The following TMEM9 variants were observed in gnomAD, a reference collection of about 807,000 sequenced individuals.
The protein encoded by TMEM9 is proton-transporting V-type ATPase complex assembly regulator TMEM9.
In TMEM9, 13 loss-of-function variants were observed where a neutral mutation model predicts 22.8. That is an observed-to-expected ratio of 0.57 (90% CI 0.37 to 0.91). The LOEUF (loss-of-function observed/expected upper bound fraction) is 0.91, where lower values mean the gene tolerates loss of function less well. Among genes scored for constraint, TMEM9 ranks in the 40% least tolerant of loss-of-function variants. The pLI is 0.01. For missense variants in TMEM9, 182 were observed against 238.1 expected (o/e 0.76, Z 1.55); for synonymous variants, 88 against 93.0 (o/e 0.95, Z 0.31).
upstream of TMEM9, among the ~76,000 whole-genome samples, chr1:201,158,742 G>A (rs543867674): frequency 6.4e-4 from 97 of 152,256 alleles, no homozygotes; most frequent in African/African-American, 2.2e-3. Context: ...TCAGGACTTA[G>A]CCTTCATCCT....
chr1:201,160,393 C>G (rs1468156282), intron 1 of TMEM9, among the ~76,000 whole-genome samples: 1 of 149,736 alleles, frequency 6.7e-6, no homozygotes, highest in Non-Finnish European at 1.5e-5. Flanking sequence ...AGTTCAAGAC[C>G]AGCCTGACCA....
At chr1:201,169,364 AAG>A (rs144932638) in intron 1 of TMEM9, among the ~76,000 whole-genome samples, 6,454 of 152,298 alleles carry the variant, frequency 0.042, 466 homozygotes, top group African/African-American at 0.15. Context: ...AGAGGAACTT[AAG>A]ACCTAAGAAC....
At chr1:201,166,521 C>T (rs550553635) in intron 1 of TMEM9, among the ~76,000 whole-genome samples, 1 of 152,122 alleles carries the variant, frequency 6.6e-6, no homozygotes. Flanking sequence ...TGCCACCATG[C>T]CCGGCTAATT....
At chr1:201,164,721 G>C (rs1017771027) in intron 1 of TMEM9, among the ~76,000 whole-genome samples, 2 of 152,116 alleles carry the variant, frequency 1.3e-5, no homozygotes, top group African/African-American at 4.8e-5. Flanking sequence ...CTCTGGGAAC[G>C]TGCTTTATTC....
chr1:201,163,923 T>A (rs1416120322), intron 1 of TMEM9, among the ~76,000 whole-genome samples: 1 of 152,216 alleles, frequency 6.6e-6, no homozygotes, highest in East Asian at 1.9e-4. Flanking sequence ...TAAAAACGTG[T>A]GCATGAATGC....
chr1:201,162,541 A>G (rs931453634), intron 1 of TMEM9, among the ~76,000 whole-genome samples: 20 of 152,082 alleles, frequency 1.3e-4, no homozygotes, highest in African/African-American at 4.8e-4. Context: ...TAGGGAAAAA[A>G]AAAAAAAAAC....
At chr1:201,169,092 G>C (rs1323388473) in intron 1 of TMEM9, among the ~76,000 whole-genome samples, 2 of 151,916 alleles carry the variant, frequency 1.3e-5, no homozygotes, top group African/African-American at 4.8e-5. Flanking sequence ...ACTTAGATGA[G>C]GAGAGAGCAC....
chr1:201,138,192 T>C (rs112363644), intron 4 of TMEM9, among the ~76,000 whole-genome samples: 16 of 152,336 alleles, frequency 1.1e-4, no homozygotes, highest in African/African-American at 3.8e-4. Context: ...TCCACTGCTC[T>C]GTATCTCAGG....
At chr1:201,147,261 T>C (rs183894021) in intron 2 of TMEM9, among the ~76,000 whole-genome samples, 1 of 152,282 alleles carries the variant, frequency 6.6e-6, no homozygotes, top group Non-Finnish European at 1.5e-5. Context: ...CAGGAGTCAC[T>C]ATGTGCATGT....
chr1:201,158,261 C>T (rs1342961870), upstream of TMEM9, among the ~76,000 whole-genome samples: 1 of 152,280 alleles, frequency 6.6e-6, no homozygotes. Context: ...AGAACACCTC[C>T]GTCAGACTTA....
upstream of TMEM9, among the ~76,000 whole-genome samples, chr1:201,156,753 T>C (rs1336692123): frequency 6.6e-6 from 1 of 152,224 alleles, no homozygotes; most frequent in African/African-American, 2.4e-5. Flanking sequence ...GCCAGTGAAG[T>C]GAGTCTGAAC....
At chr1:201,165,384 A>T (rs1004853675) in intron 1 of TMEM9, among the ~76,000 whole-genome samples, 1 of 151,208 alleles carries the variant, frequency 6.6e-6, no homozygotes, top group Non-Finnish European at 1.5e-5. Context: ...AAATGCAGAT[A>T]ATGTTTTATG....
intron 2 of TMEM9, among the ~76,000 whole-genome samples, chr1:201,148,714 G>C (rs1284483357): frequency 6.6e-6 from 1 of 152,224 alleles, no homozygotes; most frequent in African/African-American, 2.4e-5. Flanking sequence ...TTAAGAATGG[G>C]ATGTGCTCTA....
intron 3 of TMEM9, among the ~76,000 whole-genome samples, chr1:201,146,178 G>A (rs563602127): frequency 3.3e-5 from 5 of 152,286 alleles, no homozygotes; most frequent in African/African-American, 1.2e-4. Flanking sequence ...CTATGGTGGT[G>A]ACTGTGTCTA....
rs1337147274 is a variant in TMEM9, at chr1:201,151,749, G to A, written c.158+12C>T. ...GGGTATAGCAGCCAGGGGCCTGCGT[G>A]TAATGCCTTACCAGTCCTTCTGGGA... On this transcript the variant is annotated intron_variant, in intron 2 of 4. Coordinates refer to ENST00000367330, the MANE Select transcript of TMEM9 (RefSeq NM_001288565.2). 4 of 1,608,430 alleles carry A rather than the reference G, an allele frequency of 2.5e-6. No homozygotes were observed. In the Middle Eastern group the frequency reaches 5.0e-4, roughly 202 times the overall value.
chr1:201,156,653 G>A (rs1398676856), upstream of TMEM9, among the ~76,000 whole-genome samples: 1 of 152,172 alleles, frequency 6.6e-6, no homozygotes, highest in Non-Finnish European at 1.5e-5. Context: ...CCAAGCATTT[G>A]CCTTGCAGAA....
In TMEM9 at chr1:201,164,703, C is replaced by T. The variant is rs142310014; in HGVS notation, c.-37+6787G>A. ...CTATCACTGTCTCCATTTCTTGGCT[C>T]GGCTTTCCTCTGGGAACGTGCTTTA... On this transcript the variant is annotated intron_variant, in intron 1 of 5. Transcript: ENST00000367333. Among the ~76,000 whole-genome samples the T allele has an allele frequency of 1.2e-4, 18 of 152,270 alleles. No individual in the cohort carries two copies. The East Asian group carries it at 1.7e-3, about 15-fold the overall frequency.
At chr1:201,165,299 A>G (rs1352787346) in intron 1 of TMEM9, among the ~76,000 whole-genome samples, 1 of 151,352 alleles carries the variant, frequency 6.6e-6, no homozygotes, top group Non-Finnish European at 1.5e-5. Context: ...TAACTTAGAG[A>G]TAGAAGAAGG....
At chr1:201,136,057 C>T (rs1481103268) in intron 4 of TMEM9, among the ~76,000 whole-genome samples, 1 of 152,154 alleles carries the variant, frequency 6.6e-6, no homozygotes, top group South Asian at 2.1e-4. Context: ...GCCCCTGCCC[C>T]TCCCTGGGGC....
Sources: gnomAD v4.1 joint callset for allele counts (sites outside exome capture counted in the v4.1 genomes callset) on GRCh38, gnomAD v4.1.1 for gene constraint, MANE v1.5 for transcripts, NCBI Gene and HGNC (gene_info 2026-07-23, HGNC 2026-07-21) for gene names.